GARNL3: variants seen among roughly 807,000 people sequenced by gnomAD.
GARNL3 encodes GTPase activating Rap/RanGAP domain like 3.
A neutral mutation model predicts 125.0 loss-of-function variants in GARNL3; 63 were observed. The ratio of observed to expected loss-of-function variants is 0.50; its 90% CI spans 0.41 to 0.62. GARNL3 has a LOEUF of 0.62. Ranked by LOEUF, GARNL3 falls within the 20% of genes least tolerant of loss-of-function variation. The pLI, the probability that GARNL3 is intolerant of heterozygous loss-of-function variation, is 0.00. For synonymous variants in GARNL3, 439 were observed against 457.5 expected (o/e 0.96, Z 0.52); for missense variants, 994 against 1,244.0 (o/e 0.80, Z 3.02).
chr9:127,279,802 G>C (rs576811128), intron 1 of GARNL3, among the ~76,000 whole-genome samples: 2 of 152,008 alleles, frequency 1.3e-5, no homozygotes, highest in Non-Finnish European at 2.9e-5. Context: ...AAAACAAAGA[G>C]CTATTCAGAC....
chr9:127,387,842 T>TAATA (rs1056055994), intron 25 of GARNL3, among the ~76,000 whole-genome samples: 25 of 149,672 alleles, frequency 1.7e-4, no homozygotes, highest in African/African-American at 5.4e-4. Flanking sequence ...ATTATAAAAA[T>TAATA]AATAAATAAA....
intron 1 of GARNL3, among the ~76,000 whole-genome samples, chr9:127,225,842 T>C (rs1050220063): frequency 6.5e-5 from 6 of 92,288 alleles, no homozygotes; most frequent in Admixed American, 4.3e-4. Flanking sequence ...TCGCGCCCCT[T>C]GCGCCCCTCT....
At chr9:127,390,998 G>C (rs572026437) in intron 27 of GARNL3, among the ~76,000 whole-genome samples, 1 of 152,292 alleles carries the variant, frequency 6.6e-6, no homozygotes, top group East Asian at 1.9e-4. Context: ...AATCTATTGA[G>C]ACCTGGCCAG....
At chr9:127,234,178 C>G (rs1409348245) in intron 1 of GARNL3, among the ~76,000 whole-genome samples, 1 of 152,298 alleles carries the variant, frequency 6.6e-6, no homozygotes, top group East Asian at 1.9e-4. Context: ...CATATTATGT[C>G]TGTTCTCCTA....
intron 17 of GARNL3, 61 bp downstream of exon 17, chr9:127,349,096 G>T: frequency 1.7e-6 from 2 of 1,154,022 alleles, no homozygotes; most frequent in South Asian, 2.5e-5. Context: ...CTTCTAAGAT[G>T]AGTGACCACC....
At chr9:127,251,390 G>GT (rs113742101) in intron 2 of GARNL3, among the ~76,000 whole-genome samples, 2 of 151,652 alleles carry the variant, frequency 1.3e-5, no homozygotes, top group East Asian at 1.9e-4. Context: ...TGATTTCATA[G>GT]TTTTTTTTGT....
intron 24 of GARNL3, among the ~76,000 whole-genome samples, chr9:127,386,466 G>A (rs1224237922): frequency 1.3e-5 from 2 of 152,178 alleles, no homozygotes; most frequent in Non-Finnish European, 2.9e-5. Flanking sequence ...CCAGCGTGAC[G>A]CCACTGCAGG....
rs571200090 is a variant in GARNL3 at position 127,349,965 on chromosome 9, C to T, written c.1543+930C>T. On this transcript the variant is annotated intron_variant, in intron 17 of 27. Transcript: ENST00000373387. ...CAGTACAACCTATACGTCCTCCCTC[C>T]GACGCTTACTGGGCACATTTACCGA... Among the ~76,000 whole-genome samples, 9 of 152,294 alleles carry T rather than the reference C, an allele frequency of 5.9e-5. No individual in the cohort carries two copies. The South Asian group carries it at 1.2e-3, about 21-fold the overall frequency.
intron 2 of GARNL3, among the ~76,000 whole-genome samples, chr9:127,253,616 AG>A (rs2063444261): frequency 6.6e-6 from 1 of 152,148 alleles, no homozygotes; most frequent in Non-Finnish European, 1.5e-5. Context: ...CTAGGTGCTA[AG>A]GGCAGCTCAG....
chr9:127,390,585 C>T, intron 26 of GARNL3, 56 bp from the exon 27 acceptor site: 1 of 1,571,196 alleles, frequency 6.4e-7, no homozygotes, highest in Non-Finnish European at 8.6e-7. Context: ...AGGGTCTTTT[C>T]TGTCTCCGTG....
At chr9:127,283,954 T>C (rs192559326) in intron 1 of GARNL3, among the ~76,000 whole-genome samples, 2 of 152,352 alleles carry the variant, frequency 1.3e-5, no homozygotes, top group Admixed American at 1.3e-4. Context: ...ATTAGTGATG[T>C]TACACATACA....
chr9:127,385,226 C>G lies in GARNL3; in HGVS notation c.2388+81C>G, dbSNP rs1036184229. On this transcript the variant is annotated intron_variant, in intron 24 of 27. Transcript: ENST00000373387. This position sits in a 1 kb window ranked among gnomAD's most constrained non-coding sequence, Gnocchi z 4.1. ...GATTTCAGGTGAGCACAGAAGCCGC[C>G]TCTTGTCAAGTTAGGCTGATGAAGA... is the stretch of plus-strand genomic sequence containing the variant. 7.6e-6 allele frequency: 6 copies of G among 790,616 alleles called. No homozygotes were observed. The African/African-American group carries it at 1.0e-4, about 14-fold the overall frequency. The allele number at this position is 790,616 out of a possible 1,614,324, so 49.0% of individuals were successfully genotyped here.
At chr9:127,312,948 A>G (rs1476321332) in intron 3 of GARNL3, among the ~76,000 whole-genome samples, 1 of 152,194 alleles carries the variant, frequency 6.6e-6, no homozygotes, top group East Asian at 1.9e-4. Context: ...AGTAAAGGAT[A>G]TAACAAAAAA....
intron 1 of GARNL3, among the ~76,000 whole-genome samples, chr9:127,237,051 T>C (rs1267889657): frequency 6.6e-6 from 1 of 152,186 alleles, no homozygotes; most frequent in African/African-American, 2.4e-5. Context: ...GTAAGGGATG[T>C]TGTACTGATC....
intron 2 of GARNL3, among the ~76,000 whole-genome samples, chr9:127,245,037 TG>T (rs1297027901): frequency 6.6e-6 from 1 of 151,000 alleles, no homozygotes; most frequent in African/African-American, 2.4e-5. Flanking sequence ...GTGGGGCGGG[TG>T]GGTAGCCCCG....
chr9:127,234,855 A>G (rs746847018), intron 1 of GARNL3, among the ~76,000 whole-genome samples: 1 of 152,194 alleles, frequency 6.6e-6, no homozygotes, highest in Non-Finnish European at 1.5e-5. Flanking sequence ...GGACATATTC[A>G]TGAGAGCTGA....
At chr9:127,259,755 G>C (rs1173237577), upstream of GARNL3, among the ~76,000 whole-genome samples, 1 of 152,084 alleles carries the variant, frequency 6.6e-6, no homozygotes, top group Non-Finnish European at 1.5e-5. Flanking sequence ...AATAAGAGCT[G>C]GCTGGATGTG....
intron 2 of GARNL3, among the ~76,000 whole-genome samples, chr9:127,244,677 TA>T (rs1414545181): frequency 6.6e-6 from 1 of 152,206 alleles, no homozygotes; most frequent in African/African-American, 2.4e-5. Flanking sequence ...GCCTGAACCT[TA>T]CATCTTAAGC....
intron 21 of GARNL3, among the ~76,000 whole-genome samples, chr9:127,360,324 G>GA (rs1011242087): frequency 2.6e-5 from 4 of 151,448 alleles, no homozygotes; most frequent in East Asian, 1.9e-4. Flanking sequence ...ACCCGGCCAA[G>GA]AAAAAAAAGT....
Sources: gnomAD v4.1 joint callset for allele counts (sites outside exome capture counted in the v4.1 genomes callset) on GRCh38, gnomAD v4.1.1 for gene constraint, Gnocchi (gnomAD v3.1) non-coding constraint, MANE v1.5 for transcripts, NCBI Gene and HGNC (gene_info 2026-07-23, HGNC 2026-07-21) for gene names.